The following SHANK2 variants were observed in gnomAD, a reference collection of about 807,000 sequenced individuals.
SHANK2 encodes the protein SH3 and multiple ankyrin repeat domains protein 2.
In SHANK2, 43 loss-of-function variants were observed where a neutral mutation model predicts 133.7. The observed-to-expected ratio is 0.32, with a 90% CI of 0.25 to 0.41. SHANK2 has a LOEUF of 0.41. SHANK2 is among the 10% of genes least tolerant of loss of function. SHANK2 has a pLI of 1.00. For synonymous variants in SHANK2, 1,017 were observed against 952.8 expected (o/e 1.07, Z -1.24); for missense variants, 1,994 against 2,235.8 (o/e 0.89, Z 2.18).
At chr11:70,922,417 A>G (rs1950364918) in intron 10 of SHANK2, among the ~76,000 whole-genome samples, 1 of 152,236 alleles carries the variant, frequency 6.6e-6, no homozygotes, top group Admixed American at 6.5e-5. Context: ...TAAATCTCAA[A>G]TGAGATAAAC....
At chr11:70,713,063 G>A (rs548893951) in intron 14 of SHANK2, among the ~76,000 whole-genome samples, 70 of 152,236 alleles carry the variant, frequency 4.6e-4, no homozygotes, top group Non-Finnish European at 8.7e-4. Context: ...AAAGAATCAC[G>A]TGCTTTGAAT....
Position 70,913,809 on chromosome 11 carries a change from C to T in SHANK2, c.1108-17242G>A, listed in dbSNP as rs377343319. On this transcript the variant is annotated intron_variant, in intron 10 of 25. Transcript: ENST00000601538. ...TTAGGACCCTACATGGTGTCATTGC[C>T]GGATGGCCAGGCTCTCTGTGCTTCT... is the stretch of plus-strand genomic sequence containing the variant. Among the ~76,000 whole-genome samples the T allele has an allele frequency of 5.8e-4, 88 of 152,222 alleles. 1 individual carries two copies. In the South Asian group the frequency reaches 0.013, roughly 23 times the overall value.
intron 8 of SHANK2, among the ~76,000 whole-genome samples, chr11:71,081,047 C>T (rs906986774): frequency 5.3e-5 from 8 of 152,246 alleles, no homozygotes; most frequent in Admixed American, 2.0e-4. Context: ...GAGGGTCTTT[C>T]GAGAGGTGAT....
intron 17 of SHANK2, among the ~76,000 whole-genome samples, chr11:70,560,133 A>G (rs1397671593): frequency 2.0e-5 from 3 of 152,036 alleles, no homozygotes; most frequent in East Asian, 1.9e-4. Flanking sequence ...CAGACTCCCA[A>G]AGTGCTTGGA....
At chr11:71,064,698 C>T (rs938763018) in intron 9 of SHANK2, among the ~76,000 whole-genome samples, 18 of 151,840 alleles carry the variant, frequency 1.2e-4, no homozygotes, top group Non-Finnish European at 2.4e-4. Flanking sequence ...GAGGGGTAGA[C>T]GGGCCCAGAG....
chr11:71,186,361 C>T (rs1238368870), intron 2 of SHANK2, among the ~76,000 whole-genome samples: 1 of 152,232 alleles, frequency 6.6e-6, no homozygotes, highest in Non-Finnish European at 1.5e-5. Flanking sequence ...TTTGGACCCG[C>T]AGACTGAACT....
chr11:70,744,693 G>A (rs1445677298), intron 14 of SHANK2, among the ~76,000 whole-genome samples: 4 of 152,288 alleles, frequency 2.6e-5, no homozygotes, highest in East Asian at 1.9e-4. Context: ...AAGTGCCAGC[G>A]TTTCTCCAAG....
At chr11:70,752,367 A>T (rs1946766749) in intron 14 of SHANK2, among the ~76,000 whole-genome samples, 1 of 152,244 alleles carries the variant, frequency 6.6e-6, no homozygotes, top group African/African-American at 2.4e-5. Flanking sequence ...ATATCAAAGT[A>T]GTCTCAAGTG....
intron 2 of SHANK2, among the ~76,000 whole-genome samples, chr11:71,147,730 C>T (rs1952684745): frequency 6.6e-6 from 1 of 152,226 alleles, no homozygotes; most frequent in Non-Finnish European, 1.5e-5. Flanking sequence ...AAAAGGCTGC[C>T]TTTTGTTTTC....
intron 8 of SHANK2, among the ~76,000 whole-genome samples, chr11:71,088,444 C>T (rs913568930): frequency 1.3e-5 from 2 of 152,176 alleles, no homozygotes; most frequent in South Asian, 2.1e-4. Context: ...GTTCTGTTCA[C>T]GTGAATCACC....
chr11:70,557,771 G>A (rs1554979948), intron 17 of SHANK2, among the ~76,000 whole-genome samples: 1 of 152,188 alleles, frequency 6.6e-6, no homozygotes, highest in Non-Finnish European at 1.5e-5. Context: ...TCCCGAGGAG[G>A]CTGGGCCTGC....
intron 6 of SHANK2, among the ~76,000 whole-genome samples, chr11:71,094,901 G>A (rs545333950): frequency 3.3e-5 from 5 of 152,340 alleles, no homozygotes; most frequent in East Asian, 3.9e-4. Flanking sequence ...AGGGCCACGC[G>A]TACAACACAG....
chr11:71,076,373 T>C lies in SHANK2; in HGVS notation c.913-1098A>G, dbSNP rs1951219637. ...CTGCTCTACTGCTAATTGAGACAGA[T>C]AGAGGTGAATTTCACCTTCTCAGGG... On this transcript the variant is annotated intron_variant, in intron 8 of 25. Coordinates refer to ENST00000601538, the MANE Select transcript of SHANK2 (RefSeq NM_012309.5). 2.6e-5 allele frequency among the ~76,000 whole-genome samples: 4 copies of C among 151,986 alleles called. No individual in the cohort carries two copies. The South Asian group carries it at 8.3e-4, about 32-fold the overall frequency.
intron 2 of SHANK2, chr11:71,174,760 G>A (rs920971519): frequency 6.6e-6 from 1 of 152,260 alleles, no homozygotes; most frequent in Non-Finnish European, 1.5e-5. Context: ...GGCTGAGGCA[G>A]GAGAATTGCT....
At position 71,086,294 on chromosome 11, in the gene SHANK2, A is replaced by ATGTTATATT. The variant is rs1235378959; in HGVS notation, c.912+6127_912+6128insAATATAACA. 5.0e-5 allele frequency among the ~76,000 whole-genome samples: 2 copies of ATGTTATATT among 40,396 alleles called. 1 individual carries two copies. Among genetic ancestry groups the ATGTTATATT allele is most frequent in the East Asian group, 1.1e-3 (2 of 1,804 alleles). The allele number at this position is 40,396 out of a possible 152,430, so 26.5% of individuals were successfully genotyped here. Reference sequence around the variant, plus strand: ...ATATGTTATATTATATATGTTATATAAGATGTTATATAAGATATAGTATAT... The same window carrying ATGTTATATT: ...ATATGTTATATTATATATGTTATATATGTTATATTAGATGTTATATAAGATATAGTATAT... On this transcript the variant is annotated intron_variant, in intron 8 of 25. Transcript: ENST00000601538.
At position 71,175,044 on chromosome 11, in the gene SHANK2, C is replaced by A. The variant is rs1555112897; in HGVS notation, c.-12-27706G>T. 6.7e-6 allele frequency among the ~76,000 whole-genome samples: 1 copy of A among 150,020 alleles called. No individual in the cohort carries two copies. Among genetic ancestry groups the A allele is most frequent in the East Asian group, 2.0e-4 (1 of 4,976 alleles). On this transcript the variant is annotated intron_variant, in intron 2 of 25. Transcript: ENST00000601538. This position sits in a 1 kb window ranked among gnomAD's most constrained non-coding sequence, Gnocchi z 4.2. The stretch of plus-strand genomic sequence containing the variant: ...TTACATGTCATGCTCTCAGATAAGC[C>A]TTCCCCGGTTACCTTTCTGCAGCTA...
chr11:70,720,438 C>T (rs1489258428), intron 14 of SHANK2, among the ~76,000 whole-genome samples: 2 of 152,174 alleles, frequency 1.3e-5, no homozygotes, highest in East Asian at 1.9e-4. Flanking sequence ...GCATTCTTGG[C>T]CCTGTGACTC....
chr11:70,716,116 C>G (rs563107950), intron 14 of SHANK2, among the ~76,000 whole-genome samples: 1 of 152,214 alleles, frequency 6.6e-6, no homozygotes, highest in Non-Finnish European at 1.5e-5. Context: ...CACAGAACAT[C>G]CTGTCTTAGG....
chr11:70,764,825 TTCCA>T (rs67258133), intron 14 of SHANK2, among the ~76,000 whole-genome samples: 109,718 of 149,668 alleles, frequency 0.73, 42,817 homozygotes, highest in Non-Finnish European at 0.86. Flanking sequence ...GCCTCCTCTC[TTCCA>T]TCCATCCATC....
Sources: allele counts gnomAD v4.1 joint callset (sites outside exome capture counted in the v4.1 genomes callset), GRCh38; gene constraint gnomAD v4.1.1; non-coding constraint Gnocchi (gnomAD v3.1); transcripts MANE v1.5; gene names NCBI Gene and HGNC (gene_info 2026-07-23, HGNC 2026-07-21).